ZFHX3: variants seen among roughly 807,000 people sequenced by gnomAD.
ZFHX3 encodes zinc finger homeobox 3, also known as zinc finger homeobox protein 3.
Under a neutral mutation model 279.1 loss-of-function variants are expected in ZFHX3, and 42 were observed. The ratio of observed to expected loss-of-function variants is 0.15; its 90% confidence interval spans 0.12 to 0.19. ZFHX3 has a LOEUF of 0.19. ZFHX3 is among the 10% of genes least tolerant of loss of function. ZFHX3 has a pLI of 1.00. For synonymous variants in ZFHX3, 2,293 were observed against 1,957.8 expected, an observed-to-expected ratio of 1.17 and a Z score of -4.52; for missense variants, 4,981 against 4,754.0, an observed-to-expected ratio of 1.05 and a Z score of -1.40.
intron 8 of ZFHX3, among the ~76,000 whole-genome samples, chr16:73,072,612 T>G (rs956411551): frequency 6.6e-6 from 1 of 152,216 alleles, no homozygotes; most frequent in African/African-American, 2.4e-5. Flanking sequence ...TCACCCAGGC[T>G]GGAGTGCAGT....
At chr16:73,664,450 A>G (rs137900220) in intron 2 of ZFHX3, among the ~76,000 whole-genome samples, 2 of 152,334 alleles carry the variant, frequency 1.3e-5, no homozygotes, top group Admixed American at 6.5e-5. Context: ...TAACAACCAC[A>G]TATTTATATT....
rs185151310 is a variant in ZFHX3, at chr16:73,884,571, A to T, written c.-1608+7080T>A. 1.1e-3 allele frequency among the ~76,000 whole-genome samples: 170 copies of T among 152,336 alleles called. 4 individuals carry two copies. In the East Asian group the frequency reaches 0.028, roughly 25 times the overall value. On this transcript the variant is annotated intron_variant, in intron 1 of 17. Coordinates refer to the ZFHX3 transcript ENST00000641206. ...AAAGCACTTTGTTCATTCAGCCCTG[A>T]GTACCAGTGGTGTTTCCAACCACAG...
intron 2 of ZFHX3, among the ~76,000 whole-genome samples, chr16:73,625,182 G>C (rs780392969): frequency 6.6e-6 from 1 of 152,214 alleles, no homozygotes; most frequent in Non-Finnish European, 1.5e-5. Flanking sequence ...GCCTCAGCTA[G>C]ATCTGCACCA....
chr16:73,495,198 G>A (rs1182780363), intron 2 of ZFHX3, among the ~76,000 whole-genome samples: 1 of 152,138 alleles, frequency 6.6e-6, no homozygotes, highest in Non-Finnish European at 1.5e-5. Flanking sequence ...CTGATCTAAT[G>A]CATAACCTGA....
intron 4 of ZFHX3, among the ~76,000 whole-genome samples, chr16:72,877,205 G>GC (rs2038336193): frequency 6.6e-6 from 1 of 152,138 alleles, no homozygotes; most frequent in South Asian, 2.1e-4. Context: ...GAATCAAATG[G>GC]CTGCAGAATT....
intron 4 of ZFHX3, among the ~76,000 whole-genome samples, chr16:72,888,943 G>A (rs1380009418): frequency 6.6e-6 from 1 of 152,154 alleles, no homozygotes; most frequent in East Asian, 1.9e-4. Context: ...TTTCTAAAGA[G>A]GTAAGTGACT....
intron 5 of ZFHX3, among the ~76,000 whole-genome samples, chr16:73,158,906 T>C (rs913906936): frequency 7.9e-5 from 12 of 152,188 alleles, no homozygotes; most frequent in African/African-American, 2.9e-4. Flanking sequence ...ATCCCTTCCT[T>C]AAATCATATG....
intron 4 of ZFHX3, among the ~76,000 whole-genome samples, chr16:73,286,091 C>G (rs978250519): frequency 2.0e-5 from 3 of 152,174 alleles, no homozygotes; most frequent in African/African-American, 4.8e-5. Flanking sequence ...GGACTTCATA[C>G]AAATGCTTTA....
intron 1 of ZFHX3, among the ~76,000 whole-genome samples, chr16:73,770,853 A>G (rs920187827): frequency 6.6e-6 from 1 of 152,238 alleles, no homozygotes; most frequent in African/African-American, 2.4e-5. Context: ...ACACAAAGCC[A>G]TATAGAGGTC....
intron 1 of ZFHX3, among the ~76,000 whole-genome samples, chr16:73,803,437 T>C (rs1290281011): frequency 1.3e-5 from 2 of 152,170 alleles, no homozygotes; most frequent in Non-Finnish European, 2.9e-5. Context: ...GAAATATAAA[T>C]TGCTACAAGA....
intron 4 of ZFHX3, among the ~76,000 whole-genome samples, chr16:73,258,668 T>C (rs936432945): frequency 1.3e-5 from 2 of 152,178 alleles, no homozygotes; most frequent in Admixed American, 1.3e-4. Flanking sequence ...ATTTTAAGCA[T>C]TTGGAAAAGT....
At chr16:73,573,335 C>T (rs1258998413) in intron 2 of ZFHX3, among the ~76,000 whole-genome samples, 1 of 152,192 alleles carries the variant, frequency 6.6e-6, no homozygotes, top group African/African-American at 2.4e-5. Flanking sequence ...ACCTGAACTT[C>T]TTGGTGATGG....
At chr16:72,904,367 A>AAACTAAATAAAT (rs372466280) in intron 3 of ZFHX3, among the ~76,000 whole-genome samples, 1 of 140,008 alleles carries the variant, frequency 7.1e-6, no homozygotes, top group Non-Finnish European at 1.5e-5. Flanking sequence ...ATTCTGTCTC[A>AAACTAAATAAAT]AAATAAATAA....
intron 2 of ZFHX3, among the ~76,000 whole-genome samples, chr16:73,661,825 G>A (rs969444285): frequency 2.0e-5 from 3 of 151,836 alleles, no homozygotes; most frequent in African/African-American, 7.3e-5. Flanking sequence ...GGAGTTTAAG[G>A]TCACAGACAA....
chr16:73,432,824 G>A (rs959103385), intron 3 of ZFHX3, among the ~76,000 whole-genome samples: 5 of 152,048 alleles, frequency 3.3e-5, no homozygotes, highest in African/African-American at 1.2e-4. Flanking sequence ...GGCTACACAA[G>A]GCTCCGGATA....
At chr16:72,897,356 T>C (rs529809336) in intron 3 of ZFHX3, among the ~76,000 whole-genome samples, 1 of 152,294 alleles carries the variant, frequency 6.6e-6, no homozygotes, top group Admixed American at 6.5e-5. Flanking sequence ...CTTGATAAGA[T>C]GAAGTAGGAA....
chr16:73,412,407 C>T (rs934423334), intron 3 of ZFHX3, among the ~76,000 whole-genome samples: 2 of 152,070 alleles, frequency 1.3e-5, no homozygotes, highest in African/African-American at 4.8e-5. Flanking sequence ...CACACTGTAC[C>T]CATTCCACCT....
At chr16:73,112,313 C>T (rs964502312) in intron 7 of ZFHX3, among the ~76,000 whole-genome samples, 16 of 151,546 alleles carry the variant, frequency 1.1e-4, no homozygotes, top group African/African-American at 2.4e-4. Flanking sequence ...CAGAGAAAAA[C>T]GGAAGGAAGG....
At chr16:72,831,864 A>G (rs1004871582) in intron 4 of ZFHX3, among the ~76,000 whole-genome samples, 5 of 152,162 alleles carry the variant, frequency 3.3e-5, no homozygotes, top group African/African-American at 4.8e-5. Flanking sequence ...CTATTGTTCC[A>G]TTATTGGAAC....
Sources: gnomAD v4.1 joint callset for allele counts (sites outside exome capture counted in the v4.1 genomes callset) on GRCh38, gnomAD v4.1.1 for gene constraint, MANE v1.5 for transcripts, NCBI Gene and HGNC (gene_info 2026-07-23, HGNC 2026-07-21) for gene names.